The following PRDM16 variants were observed in gnomAD, a reference collection of about 807,000 sequenced individuals.
The protein encoded by PRDM16 is PR/SET domain 16, also known as histone-lysine N-methyltransferase PRDM16.
A neutral mutation model predicts 110.6 loss-of-function variants in PRDM16; 23 were observed. The observed-to-expected ratio is 0.21, with a 90% CI of 0.15 to 0.29. The LOEUF is 0.29. Ranked by LOEUF, PRDM16 falls within the 10% of genes least tolerant of loss-of-function variation. The pLI, the probability that PRDM16 is intolerant of heterozygous loss-of-function variation, is 1.00. For synonymous variants in PRDM16, 799 were observed against 781.8 expected, an observed-to-expected ratio of 1.02 and a Z score of -0.37; for missense variants, 1,615 against 1,794.3, an observed-to-expected ratio of 0.90 and a Z score of 1.81.
chr1:3,337,996 C>T (rs1240395781), intron 3 of PRDM16, among the ~76,000 whole-genome samples: 1 of 152,224 alleles, frequency 6.6e-6, no homozygotes, highest in African/African-American at 2.4e-5. Flanking sequence ...CACAAAAACA[C>T]ATGCACACAA....
intron 3 of PRDM16, among the ~76,000 whole-genome samples, chr1:3,341,978 T>A (rs2483284): frequency 0.33 from 50,080 of 151,920 alleles, 8,497 homozygotes; most frequent in South Asian, 0.47. Flanking sequence ...CATCTCAAGT[T>A]GAAAAGCACC....
chr1:3,436,526 C>G lies in PRDM16; in HGVS notation c.*2715C>G, dbSNP rs1355042202. The G allele has an allele frequency of 4.3e-6, 1 of 231,592 alleles. No homozygotes were observed. Among genetic ancestry groups the G allele is most frequent in the Non-Finnish European group, 8.5e-6 (1 of 117,062 alleles). The allele number at this position is 231,592 out of a possible 1,614,324, so 14.3% of individuals were successfully genotyped here. On this transcript the variant is annotated 3_prime_UTR_variant, in exon 17 of 17. Transcript: ENST00000270722. ...CAGCACTTGGCGTTTTCAGGAGGCC[C>G]TGTTCTTAGAGCCCCTGACAAAGGC...
At chr1:3,276,246 C>G (rs1640579472) in intron 3 of PRDM16, among the ~76,000 whole-genome samples, 2 of 152,366 alleles carry the variant, frequency 1.3e-5, no homozygotes, top group African/African-American at 4.8e-5. Context: ...TTCATCCTGC[C>G]CTGGGCAGCC....
chr1:3,240,465 G>A (rs181179377), intron 2 of PRDM16, among the ~76,000 whole-genome samples: 71 of 151,902 alleles, frequency 4.7e-4, no homozygotes, highest in Non-Finnish European at 8.2e-4. Context: ...GTAGGTTAGA[G>A]AGAGAAGGTT....
At position 3,081,617 on chromosome 1, in the gene PRDM16, G is replaced by C. The variant is rs981668942; in HGVS notation, c.37+12321G>C. On this transcript the variant is annotated intron_variant, in intron 1 of 16. Transcript: ENST00000270722. This position sits in a 1 kb window ranked among gnomAD's most constrained non-coding sequence, Gnocchi z 4.6. ...TGGTCTTCCTTCTGTGAGCACGGGG[G>C]GTGAGCAGTGGGCAGCTCCAGGAAG... Among the ~76,000 whole-genome samples the C allele has an allele frequency of 6.6e-6, 1 of 152,182 alleles. No homozygotes were observed. The highest frequency in any genetic ancestry group is 1.5e-5 in the Non-Finnish European group (1 of 68,030).
At chr1:3,216,002 C>T (rs1224375563) in intron 2 of PRDM16, among the ~76,000 whole-genome samples, 6 of 152,154 alleles carry the variant, frequency 3.9e-5, no homozygotes, top group Admixed American at 6.5e-5. Flanking sequence ...CTGAAACACT[C>T]GAATAAATAC....
At chr1:3,426,318 C>T (rs1638603799) in intron 14 of PRDM16, 93 bp downstream of exon 14, 2 of 1,028,876 alleles carry the variant, frequency 1.9e-6, no homozygotes, top group African/African-American at 3.2e-5. Context: ...ACCCCAGCAC[C>T]AGCCCCTAAC....
At chr1:3,222,704 G>C (rs1180640798) in intron 2 of PRDM16, among the ~76,000 whole-genome samples, 1 of 152,238 alleles carries the variant, frequency 6.6e-6, no homozygotes, top group Non-Finnish European at 1.5e-5. Flanking sequence ...GCTCTGCAGG[G>C]CCCCTGACTG....
At chr1:3,298,223 G>A (rs1431323664) in intron 3 of PRDM16, among the ~76,000 whole-genome samples, 1 of 152,230 alleles carries the variant, frequency 6.6e-6, no homozygotes, top group African/African-American at 2.4e-5. Context: ...TGAGTGTGCA[G>A]GGGACACTTT....
intron 3 of PRDM16, among the ~76,000 whole-genome samples, chr1:3,263,886 T>A (rs528742312): frequency 1.3e-5 from 2 of 152,302 alleles, no homozygotes; most frequent in African/African-American, 4.8e-5. Context: ...TTTCTGTGGT[T>A]GCTGGGTCCT....
At chr1:3,352,885 C>G (rs563645518) in intron 3 of PRDM16, among the ~76,000 whole-genome samples, 4 of 152,232 alleles carry the variant, frequency 2.6e-5, no homozygotes, top group Non-Finnish European at 5.9e-5. Context: ...GCAGTCAGGC[C>G]GCATTTGGTG....
In PRDM16 at chr1:3,435,420, C is replaced by CA. The variant is rs1338311800; in HGVS notation, c.*1610dup. 8.6e-6 allele frequency: 2 copies of CA among 231,342 alleles called. No individual in the cohort carries two copies. The highest frequency in any genetic ancestry group is 5.6e-5 in the Admixed American group (1 of 17,716). The allele number at this position is 231,342 out of a possible 1,614,324, so 14.3% of individuals were successfully genotyped here. A position where few individuals can be genotyped will look rare whatever the true frequency, so the allele number is the denominator to read the frequency against. On this transcript the variant is annotated 3_prime_UTR_variant, in exon 17 of 17. Coordinates refer to ENST00000270722, the MANE Select transcript of PRDM16 (RefSeq NM_022114.4). ...ATGTGCCAAATACCCCCGTCCCCCC[C>CA]ATGAATCCTGCTGTCCCTGCTGCCG...
chr1:3,352,644 C>G (rs1260707324), intron 3 of PRDM16, among the ~76,000 whole-genome samples: 2 of 152,244 alleles, frequency 1.3e-5, no homozygotes, highest in African/African-American at 4.8e-5. Flanking sequence ...CGAATACTTG[C>G]GCTGGAATCG....
At chr1:3,365,925 C>T (rs765993256) in intron 3 of PRDM16, among the ~76,000 whole-genome samples, 3 of 123,062 alleles carry the variant, frequency 2.4e-5, no homozygotes, top group East Asian at 2.4e-4. Flanking sequence ...CATACACACA[C>T]GCACACATGC....
chr1:3,181,946 A>T (rs1226453849), intron 1 of PRDM16, among the ~76,000 whole-genome samples: 2 of 151,992 alleles, frequency 1.3e-5, no homozygotes, highest in Non-Finnish European at 2.9e-5. Flanking sequence ...ATGCTTACAC[A>T]CACAGTCTTA....
intron 1 of PRDM16, among the ~76,000 whole-genome samples, chr1:3,181,333 A>T (rs372558268): frequency 2.0e-4 from 5 of 25,414 alleles, no homozygotes; most frequent in Admixed American, 5.6e-4. Flanking sequence ...ATCTTACACA[A>T]GCAGTCTTAC....
Position 3,180,488 on chromosome 1 carries a change from C to T in PRDM16, c.38-5637C>T, listed in dbSNP as rs552559253. On this transcript the variant is annotated intron_variant, in intron 1 of 16. Coordinates refer to ENST00000270722, the MANE Select transcript of PRDM16 (RefSeq NM_022114.4). ...GTCCCATCTTGGGCATCTCCAGGAC[C>T]ACATCTTGGCCCCATAGAGAGGTGT... 7.9e-5 allele frequency among the ~76,000 whole-genome samples: 12 copies of T among 152,254 alleles called. No homozygotes were observed. The East Asian group carries it at 1.9e-3, about 25-fold the overall frequency.
chr1:3,144,162 C>A (rs1277460652), intron 1 of PRDM16, among the ~76,000 whole-genome samples: 5 of 152,318 alleles, frequency 3.3e-5, no homozygotes, highest in Non-Finnish European at 7.3e-5. Flanking sequence ...AACTCGTGAC[C>A]AGCCCCAGCC....
At chr1:3,381,336 A>G (rs1197934413) in intron 3 of PRDM16, among the ~76,000 whole-genome samples, 1 of 150,496 alleles carries the variant, frequency 6.6e-6, no homozygotes, top group Non-Finnish European at 1.5e-5. Context: ...TTTTCCAGGG[A>G]TTTATTGGGG....
Sources: gnomAD v4.1 joint callset for allele counts (sites outside exome capture counted in the v4.1 genomes callset) on GRCh38, gnomAD v4.1.1 for gene constraint, Gnocchi (gnomAD v3.1) non-coding constraint, MANE v1.5 for transcripts, NCBI Gene and HGNC (gene_info 2026-07-23, HGNC 2026-07-21) for gene names.